The following YTHDF3 variants were observed in gnomAD, a reference collection of about 807,000 sequenced individuals.
YTHDF3 encodes YTH N6-methyladenosine RNA binding protein F3.
A neutral mutation model predicts 52.5 loss-of-function variants in YTHDF3; 9 were observed. The observed-to-expected ratio is 0.17, with a 90% confidence interval of 0.10 to 0.30. YTHDF3 has a LOEUF of 0.30. Ranked by LOEUF, YTHDF3 falls within the 10% of genes least tolerant of loss-of-function variation. YTHDF3 has a pLI of 1.00. For synonymous variants in YTHDF3, 274 were observed against 243.3 expected (o/e 1.13, Z -1.18); for missense variants, 534 against 715.0 (o/e 0.75, Z 2.89).
intron 4 of YTHDF3, among the ~76,000 whole-genome samples, chr8:63,209,192 G>A (rs539562748): frequency 6.6e-6 from 1 of 152,230 alleles, no homozygotes; most frequent in South Asian, 2.1e-4. Flanking sequence ...AATGTGAAAA[G>A]TTATCTATCG....
Position 63,175,388 on chromosome 8 carries a change from A to T in YTHDF3, c.107A>T (p.Glu36Val), listed in dbSNP as rs1296272933. The change falls in exon 3 of 5, where the codon GAG (glutamate) becomes GTG (valine). Residue 36 changes from glutamate (E) to valine (V), a missense_variant. Glu to Val is a moderately radical substitution (Grantham distance 121). Transcript: ENST00000539294. ...GATGCTGTAAATGATGATGATTTTGAGCCATACTTAAGTAGCCAGACAAAT... is the reference window on the plus strand; with the variant it reads ...GATGCTGTAAATGATGATGATTTTGTGCCATACTTAAGTAGCCAGACAAAT... ...QKDAVNDDDF[E>V]PYLSSQTNQS... 2.5e-6 allele frequency: 4 copies of T among 1,611,906 alleles called. No homozygotes were observed. The highest frequency in any genetic ancestry group is 3.4e-6 in the Non-Finnish European group (4 of 1,178,828).
intron 4 of YTHDF3, among the ~76,000 whole-genome samples, chr8:63,203,956 G>T (rs1809814464): frequency 6.6e-6 from 1 of 152,124 alleles, no homozygotes; most frequent in Admixed American, 6.5e-5. Context: ...GCTTAAAGTG[G>T]TGTCTGCTAG....
intron 4 of YTHDF3, among the ~76,000 whole-genome samples, chr8:63,202,871 T>C (rs985958978): frequency 6.6e-6 from 1 of 152,206 alleles, no homozygotes; most frequent in African/African-American, 2.4e-5. Flanking sequence ...ATTAGATGTT[T>C]TAATTTCATT....
At chr8:63,170,666 A>T (rs577419106) in intron 2 of YTHDF3, among the ~76,000 whole-genome samples, 2 of 152,108 alleles carry the variant, frequency 1.3e-5, no homozygotes, top group African/African-American at 4.8e-5. Context: ...TTGCTAGTCT[A>T]CCCATTAGGA....
intron 3 of YTHDF3, among the ~76,000 whole-genome samples, chr8:63,184,313 T>A (rs1050127173): frequency 6.6e-6 from 1 of 152,126 alleles, no homozygotes; most frequent in Admixed American, 6.5e-5. Flanking sequence ...GAGAGTTGAG[T>A]TTTTTGGTTT....
rs1285411456 is a variant in YTHDF3 at position 63,170,174 on chromosome 8, G to T, written c.49+763G>T. On this transcript the variant is annotated intron_variant, in intron 2 of 4. Transcript: ENST00000539294. ...TATAGAACAATAACTGCTTTCTTGG[G>T]ATAGTGCCAATTAAATAACATCAGA... Among the ~76,000 whole-genome samples the T allele has an allele frequency of 1.1e-4, 16 of 152,114 alleles. 1 individual carries two copies. Among genetic ancestry groups the T allele is most frequent in the Non-Finnish European group, 4.4e-5 (3 of 67,998 alleles).
chr8:63,171,049 G>C (rs143716331), intron 2 of YTHDF3, among the ~76,000 whole-genome samples: 1 of 152,142 alleles, frequency 6.6e-6, no homozygotes, highest in Non-Finnish European at 1.5e-5. Flanking sequence ...TATCGCTTCT[G>C]TTAGTTGTAT....
rs1242674155 is a variant in YTHDF3 at position 63,195,738 on chromosome 8, G to GTA, written c.1734+7994_1734+7995insAT. Among the ~76,000 whole-genome samples the GTA allele has an allele frequency of 2.0e-5, 3 of 148,468 alleles. No individual in the cohort carries two copies. The East Asian group carries it at 5.9e-4, about 29-fold the overall frequency. On this transcript the variant is annotated intron_variant, in intron 4 of 4. Coordinates refer to ENST00000539294, the MANE Select transcript of YTHDF3 (RefSeq NM_152758.6). ...AGTGAGACCATGTATTTACGTGTGT[G>GTA]TGTGTGTGTGTGTGTGTGTGTGTGT...
chr8:63,176,619 G>T (rs1481962305), intron 3 of YTHDF3, among the ~76,000 whole-genome samples: 2 of 151,534 alleles, frequency 1.3e-5, no homozygotes, highest in African/African-American at 2.4e-5. Context: ...TGATTAATTT[G>T]ATTAGAAACT....
rs1808509512 is a variant in YTHDF3, at chr8:63,186,489, A to G, written c.478A>G (p.Ser160Gly). Residue 160 changes from serine (S) to glycine (G), a missense_variant, in exon 4 of 5, where the codon AGT becomes GGT. Around this residue, in one of 3 missense-constraint regions of YTHDF3, gnomAD observed 196 missense variants for 299.5 expected, o/e 0.65. Transcript: ENST00000539294. ...TAGTAGCAGTTATGGCTATCCACCT[A>G]GTTCTCTTGGGAGAGCTATTACTGA... ...AYSSSYGYPP[S>G]SLGRAITDGQ... 14 of 1,614,018 alleles carry G rather than the reference A, an allele frequency of 8.7e-6. No individual in the cohort carries two copies. Among genetic ancestry groups the G allele is most frequent in the African/African-American group, 1.3e-5 (1 of 75,054 alleles).
intron 4 of YTHDF3, among the ~76,000 whole-genome samples, chr8:63,198,102 C>A (rs1809354695): frequency 6.6e-6 from 1 of 152,132 alleles, no homozygotes; most frequent in Non-Finnish European, 1.5e-5. Context: ...AGAGATGGAG[C>A]CCTGCCGTTT....
intron 3 of YTHDF3, among the ~76,000 whole-genome samples, chr8:63,176,729 G>A (rs1411283161): frequency 6.6e-6 from 1 of 151,604 alleles, no homozygotes; most frequent in Non-Finnish European, 1.5e-5. Flanking sequence ...CCAGGCTGGA[G>A]TGCAGTGGCG....
At chr8:63,184,673 A>C (rs1176951655) in intron 3 of YTHDF3, among the ~76,000 whole-genome samples, 1 of 152,244 alleles carries the variant, frequency 6.6e-6, no homozygotes, top group African/African-American at 2.4e-5. Context: ...TAGTGACAAG[A>C]GTGAAATAGT....
At position 63,208,861 on chromosome 8, in the gene YTHDF3, G is replaced by T. The variant is rs201305800; in HGVS notation, c.1735-822G>T. 4.3e-4 allele frequency among the ~76,000 whole-genome samples: 65 copies of T among 151,050 alleles called. 1 individual carries two copies. The East Asian group carries it at 9.6e-3, about 22-fold the overall frequency. On this transcript the variant is annotated intron_variant, in intron 4 of 4. Coordinates refer to ENST00000539294, the MANE Select transcript of YTHDF3 (RefSeq NM_152758.6). ...AATTTGTCTAACACTCATCTTTTTTGTTGTTGTTGTTGTTGTTGTTGTTGA... is the reference window on the plus strand; with the variant it reads ...AATTTGTCTAACACTCATCTTTTTTTTTGTTGTTGTTGTTGTTGTTGTTGA...
chr8:63,208,548 C>T (rs1046750677), intron 4 of YTHDF3, among the ~76,000 whole-genome samples: 2 of 152,176 alleles, frequency 1.3e-5, no homozygotes, highest in African/African-American at 4.8e-5. Flanking sequence ...TTAGGTTCCA[C>T]GTCAGACCTC....
intron 4 of YTHDF3, among the ~76,000 whole-genome samples, chr8:63,206,596 TTTAA>T (rs1372669918): frequency 6.6e-6 from 1 of 152,232 alleles, no homozygotes; most frequent in East Asian, 1.9e-4. Flanking sequence ...TAAAGTTGTC[TTTAA>T]TTATGATTTA....
chr8:63,189,669 A>C (rs1808789459), intron 4 of YTHDF3, among the ~76,000 whole-genome samples: 1 of 152,222 alleles, frequency 6.6e-6, no homozygotes, highest in South Asian at 2.1e-4. Flanking sequence ...GTAGTTTCCA[A>C]ACCTTAAGTC....
rs759847193 is a variant in YTHDF3, at chr8:63,169,345, C to T, written c.25-42C>T. 28 of 1,582,436 alleles carry T rather than the reference C, an allele frequency of 1.8e-5. No homozygotes were observed. The Middle Eastern group carries it at 1.2e-3, about 66-fold the overall frequency. On this transcript the variant is annotated intron_variant, in intron 1 of 4. Transcript: ENST00000539294. ...TGATTAACACACTTTTTCTTTTCTTCCTTTTTCTCCTCTTTACCGCATCTT... is the reference window on the plus strand; with the variant it reads ...TGATTAACACACTTTTTCTTTTCTTTCTTTTTCTCCTCTTTACCGCATCTT...
intron 4 of YTHDF3, among the ~76,000 whole-genome samples, chr8:63,188,014 G>A (rs1365757826): frequency 6.6e-6 from 1 of 152,142 alleles, no homozygotes; most frequent in African/African-American, 2.4e-5. Flanking sequence ...TATCATCAAA[G>A]CTGAATGAAT....
Sources: allele counts gnomAD v4.1 joint callset (sites outside exome capture counted in the v4.1 genomes callset), GRCh38; gene constraint gnomAD v4.1.1; regional missense constraint gnomAD v4.1.1; transcripts MANE v1.5; gene names NCBI Gene and HGNC (gene_info 2026-07-23, HGNC 2026-07-21).